The following NFIB variants were observed in gnomAD, a reference collection of about 807,000 sequenced individuals.
The protein encoded by NFIB is nuclear factor I B.
Under a neutral mutation model 61.5 loss-of-function variants are expected in NFIB, and 11 were observed. The ratio of observed to expected loss-of-function variants is 0.18; its 90% CI spans 0.11 to 0.30. NFIB has a LOEUF of 0.30. Ranked by LOEUF, NFIB falls within the 10% of genes least tolerant of loss-of-function variation. The pLI is 1.00. For missense variants in NFIB, 471 were observed against 608.9 expected, an observed-to-expected ratio of 0.77 and a Z score of 2.38; for synonymous variants, 260 against 216.5, an observed-to-expected ratio of 1.20 and a Z score of -1.76.
At chr9:14,338,800 T>C (rs1384205649) in intron 1 of NFIB, among the ~76,000 whole-genome samples, 1 of 152,070 alleles carries the variant, frequency 6.6e-6, no homozygotes, top group Non-Finnish European at 1.5e-5. Flanking sequence ...TTTTCCTTCA[T>C]CCATCCATCT....
intron 2 of NFIB, among the ~76,000 whole-genome samples, chr9:14,192,653 G>A (rs1034114596): frequency 1.3e-5 from 2 of 152,270 alleles, no homozygotes; most frequent in East Asian, 3.9e-4. Context: ...AAACAGTGGT[G>A]AGTTTTCCTC....
At chr9:14,509,966 G>C in the NFIB span, among the ~76,000 whole-genome samples, 1 of 152,206 alleles carries the variant, frequency 6.6e-6, no homozygotes, top group Admixed American at 6.5e-5. Flanking sequence ...GCGCAATCTT[G>C]GCTCACTGCA....
intron 5 of NFIB, among the ~76,000 whole-genome samples, chr9:14,147,589 T>G (rs2042401381): frequency 6.7e-6 from 1 of 150,008 alleles, no homozygotes; most frequent in African/African-American, 2.5e-5. Flanking sequence ...TAAAATCGAC[T>G]GTGAAAAAAA....
chr9:14,227,135 C>G (rs1356062616), intron 2 of NFIB, among the ~76,000 whole-genome samples: 1 of 143,100 alleles, frequency 7.0e-6, no homozygotes, highest in African/African-American at 2.7e-5. Flanking sequence ...GAGCAAAACT[C>G]CGTGTCAAAA....
chr9:14,361,365 T>A (rs1330418434), intron 1 of NFIB: 1 of 152,154 alleles, frequency 6.6e-6, no homozygotes, highest in African/African-American at 2.4e-5. Context: ...CCCACTTGTC[T>A]TGGTTTAAAA....
intron 1 of NFIB, among the ~76,000 whole-genome samples, chr9:14,387,431 C>G (rs1341007654): frequency 6.6e-6 from 1 of 152,006 alleles, no homozygotes; most frequent in Non-Finnish European, 1.5e-5. Flanking sequence ...TAAATGTAAG[C>G]CAGGTATTGG....
intron 3 of NFIB, among the ~76,000 whole-genome samples, chr9:14,173,742 T>TAATA (rs2045834900): frequency 2.0e-5 from 3 of 152,240 alleles, no homozygotes; most frequent in African/African-American, 7.2e-5. Context: ...TCAGCAATCG[T>TAATA]TAGGCAATTA....
chr9:14,245,391 C>T (rs2054802151), intron 2 of NFIB, among the ~76,000 whole-genome samples: 1 of 151,448 alleles, frequency 6.6e-6, no homozygotes, highest in African/African-American at 2.4e-5. Context: ...TTATGTTCAA[C>T]AAACAAGAAC....
intron 8 of NFIB, among the ~76,000 whole-genome samples, chr9:14,118,756 GTTTTTC>G (rs2038515343): frequency 6.9e-6 from 1 of 144,918 alleles, no homozygotes; most frequent in African/African-American, 2.5e-5. Flanking sequence ...TTTGTTGCTA[GTTTTTC>G]TTTTTCTTTT....
At chr9:14,352,158 A>C (rs893557433) in intron 1 of NFIB, among the ~76,000 whole-genome samples, 1 of 152,216 alleles carries the variant, frequency 6.6e-6, no homozygotes, top group Non-Finnish European at 1.5e-5. Flanking sequence ...TCATAAAAGG[A>C]ACACATGCGT....
the NFIB span, among the ~76,000 whole-genome samples, chr9:14,506,670 C>CT: frequency 6.6e-6 from 1 of 152,068 alleles, no homozygotes; most frequent in Non-Finnish European, 1.5e-5. Context: ...CTCACCTTTC[C>CT]TTTTTCTCAT....
At chr9:14,478,157 A>G in the NFIB span, among the ~76,000 whole-genome samples, 1 of 152,166 alleles carries the variant, frequency 6.6e-6, no homozygotes, top group Admixed American at 6.5e-5. Flanking sequence ...ACATATTCAC[A>G]CAAAGCATTA....
the NFIB span, among the ~76,000 whole-genome samples, chr9:14,470,765 T>C: frequency 6.6e-6 from 1 of 152,190 alleles, no homozygotes; most frequent in African/African-American, 2.4e-5. Context: ...AGGAAACACC[T>C]AAAAGAAGAC....
At chr9:14,192,533 G>A (rs1309472903) in intron 2 of NFIB, among the ~76,000 whole-genome samples, 4 of 152,110 alleles carry the variant, frequency 2.6e-5, no homozygotes, top group African/African-American at 9.7e-5. Context: ...ATTGACTTCA[G>A]GCTAGGTCCA....
At chr9:14,145,915 CAT>C (rs2042234693) in intron 6 of NFIB, among the ~76,000 whole-genome samples, 1 of 151,916 alleles carries the variant, frequency 6.6e-6, no homozygotes, top group Admixed American at 6.6e-5. Context: ...TTTAAAAATA[CAT>C]GTTTATGCTG....
intron 1 of NFIB, among the ~76,000 whole-genome samples, chr9:14,320,506 C>G (rs1221894832): frequency 6.6e-6 from 1 of 152,156 alleles, no homozygotes; most frequent in Non-Finnish European, 1.5e-5. Flanking sequence ...ATGAAAACAT[C>G]AAACCTCAAA....
At chr9:14,164,100 A>T (rs1297376562) in intron 3 of NFIB, among the ~76,000 whole-genome samples, 1 of 151,988 alleles carries the variant, frequency 6.6e-6, no homozygotes, top group South Asian at 2.1e-4. Flanking sequence ...AAAAGCTGAA[A>T]TTAACAGAAT....
At chr9:14,124,070 G>C (rs1415629499) in intron 7 of NFIB, among the ~76,000 whole-genome samples, 1 of 152,080 alleles carries the variant, frequency 6.6e-6, no homozygotes, top group Admixed American at 6.6e-5. Flanking sequence ...ACTCTTTAAG[G>C]ACAGAAACGA....
the NFIB span, among the ~76,000 whole-genome samples, chr9:14,472,449 T>G: frequency 6.6e-6 from 1 of 152,232 alleles, no homozygotes; most frequent in African/African-American, 2.4e-5. Context: ...ATTTTATGTC[T>G]GTTGAATCTA....
Sources: allele counts gnomAD v4.1 joint callset (sites outside exome capture counted in the v4.1 genomes callset), GRCh38; gene constraint gnomAD v4.1.1; transcripts MANE v1.5; gene names NCBI Gene and HGNC (gene_info 2026-07-23, HGNC 2026-07-21).